Variants in TESPA1 observed in about 807,000 individuals in gnomAD.
TESPA1 encodes the protein thymocyte expressed, positive selection associated 1.
In TESPA1, 33 loss-of-function variants were observed where a neutral mutation model predicts 57.9. The observed-to-expected ratio is 0.57, with a 90% confidence interval of 0.43 to 0.76. The LOEUF (loss-of-function observed/expected upper bound fraction) is 0.76, where lower values mean the gene tolerates loss of function less well. Among genes scored for constraint, TESPA1 ranks in the 30% least tolerant of loss-of-function variants. The pLI, the probability that TESPA1 is intolerant of heterozygous loss-of-function variation, is 0.00. For missense variants in TESPA1, 618 were observed against 632.9 expected (o/e 0.98, Z 0.25); for synonymous variants, 227 against 228.9 (o/e 0.99, Z 0.07).
intron 1 of TESPA1, 33 bp downstream of exon 1, chr12:54,984,552 C>G (rs930331098): frequency 1.3e-5 from 2 of 152,202 alleles, no homozygotes; most frequent in Non-Finnish European, 2.9e-5. Context: ...TAAATCAGTA[C>G]AGCCTTGAAA....
chr12:54,969,918 A>G (rs1036861146), intron 3 of TESPA1, among the ~76,000 whole-genome samples: 2 of 151,952 alleles, frequency 1.3e-5, no homozygotes, highest in African/African-American at 4.8e-5. Flanking sequence ...TGAGCTATTT[A>G]TGTATTTATT....
chr12:54,969,662 A>G (rs1043286059), intron 3 of TESPA1, among the ~76,000 whole-genome samples: 2 of 152,232 alleles, frequency 1.3e-5, no homozygotes, highest in Non-Finnish European at 2.9e-5. Flanking sequence ...CTGCATGCGA[A>G]TACTTGGATA....
At chr12:54,967,045 G>T (rs1951484590) in intron 5 of TESPA1, 138 bp downstream of exon 5, 3 of 887,970 alleles carry the variant, frequency 3.4e-6, no homozygotes, top group Non-Finnish European at 3.5e-6. Context: ...AGATAATAAT[G>T]AGACTGCCCT....
chr12:54,960,626 C>T (rs940813878), intron 10 of TESPA1, among the ~76,000 whole-genome samples: 5 of 152,180 alleles, frequency 3.3e-5, no homozygotes, highest in African/African-American at 1.2e-4. Flanking sequence ...CTTCAATATG[C>T]AATCAATTAT....
Position 54,963,084 on chromosome 12 carries a change from G to C in TESPA1, c.814C>G (p.Arg272Gly), listed in dbSNP as rs759038034. ...CTGGGTGACTGGGGTTCAGGCTCTC[G>C]GGACAGAATCCTGATGGATGGCACA... Reference protein sequence around the residue: ...TDVPSIRILSREPEPQSPRDR... With the variant: ...TDVPSIRILSGEPEPQSPRDR... The change falls in exon 9 of 11, where the codon CGA becomes GGA. Residue 272 changes from arginine to glycine, a missense_variant. Physicochemically the swap from Arg to Gly is moderately radical, Grantham distance 125. Around this residue, in one of 3 missense-constraint regions of TESPA1, gnomAD observed 409 missense variants for 420.1 expected, o/e 0.97. Coordinates refer to ENST00000449076, the MANE Select transcript of TESPA1 (RefSeq NM_001136030.3). The C allele has an allele frequency of 1.2e-6, 2 of 1,613,930 alleles. No homozygotes were observed.
intron 1 of TESPA1, among the ~76,000 whole-genome samples, chr12:54,978,505 C>T (rs957192299): frequency 6.6e-5 from 10 of 152,074 alleles, no homozygotes; most frequent in African/African-American, 1.4e-4. Flanking sequence ...TTAAAAAATG[C>T]GAAATGCTTC....
intron 1 of TESPA1, among the ~76,000 whole-genome samples, chr12:54,976,690 A>C (rs1278836280): frequency 1.3e-5 from 2 of 152,156 alleles, no homozygotes; most frequent in African/African-American, 4.8e-5. Context: ...ACATTGATGC[A>C]TCTAATACTA....
Position 54,974,559 on chromosome 12 carries a change from C to G in TESPA1, c.4G>C (p.Glu2Gln), listed in dbSNP as rs1390408675. The G allele has an allele frequency of 6.3e-7, 1 of 1,578,968 alleles. No individual in the cohort carries two copies. The highest frequency in any genetic ancestry group is 8.6e-7 in the Non-Finnish European group (1 of 1,162,098). Residue 2 changes from glutamate (E) to glutamine (Q), a missense_variant, in exon 2 of 11, where the codon GAG (glutamate) becomes CAG (glutamine). By Grantham distance (29) the Glu-to-Gln change is conservative (BLOSUM62 2). Coordinates refer to ENST00000449076, the MANE Select transcript of TESPA1 (RefSeq NM_001136030.3). M[E>Q]ASVLSPTSWE... ...GATGTGGGGCTCAGCACAGAGGCCT[C>G]CATGGCCCTGGCTCAGACTTCAGGG...
chr12:54,971,494 A>C (rs992486779), intron 3 of TESPA1, among the ~76,000 whole-genome samples: 1 of 151,908 alleles, frequency 6.6e-6, no homozygotes, highest in Non-Finnish European at 1.5e-5. Flanking sequence ...TAGAAAACAG[A>C]GGAAATTGGA....
intron 3 of TESPA1, 32 bp from the exon 4 acceptor site, chr12:54,967,924 C>A: frequency 1.2e-6 from 2 of 1,612,898 alleles, no homozygotes; most frequent in South Asian, 2.2e-5. Flanking sequence ...AGGTTGAAGT[C>A]ACTTACTACA....
chr12:54,975,635 G>A (rs976016860), intron 1 of TESPA1, among the ~76,000 whole-genome samples: 9 of 151,624 alleles, frequency 5.9e-5, no homozygotes, highest in Non-Finnish European at 7.4e-5. Flanking sequence ...CTATTTCCTC[G>A]AGCTGCCATA....
Position 54,963,078 on chromosome 12 carries a change from G to A in TESPA1, c.820C>T (p.Pro274Ser), listed in dbSNP as rs771045829. 1.2e-6 allele frequency: 2 copies of A among 1,613,858 alleles called. No individual in the cohort carries two copies. The highest frequency in any genetic ancestry group is 2.2e-5 in the East Asian group (1 of 44,894). ...VPSIRILSRE[P>S]EPQSPRDRLR... ...CGGTCTCTGGGTGACTGGGGTTCAGGCTCTCGGGACAGAATCCTGATGGAT... is the reference window on the plus strand; with the variant it reads ...CGGTCTCTGGGTGACTGGGGTTCAGACTCTCGGGACAGAATCCTGATGGAT... The change falls in exon 9 of 11, where the codon CCT (proline) becomes TCT (serine). Residue 274 changes from proline to serine, a missense_variant. Around this residue, in one of 3 missense-constraint regions of TESPA1, gnomAD observed 409 missense variants for 420.1 expected, o/e 0.97. Coordinates refer to ENST00000449076, the MANE Select transcript of TESPA1 (RefSeq NM_001136030.3).
chr12:54,981,820 C>G (rs945119750), intron 1 of TESPA1: 2 of 152,312 alleles, frequency 1.3e-5, no homozygotes, highest in Non-Finnish European at 2.9e-5. Flanking sequence ...TATCATACAG[C>G]CTTCCTCCTG....
At chr12:54,973,697 T>C in intron 2 of TESPA1, 178 bp from the exon 3 acceptor site, 1 of 1,371,626 alleles carries the variant, frequency 7.3e-7, no homozygotes, top group South Asian at 1.9e-5. Flanking sequence ...ATAGTAGATA[T>C]TTCTTCTCTC....
In TESPA1 at chr12:54,950,240, G is replaced by A. The variant is rs1801876; in HGVS notation, c.*152C>T. 0.17 allele frequency: 78,580 copies of A among 456,228 alleles called. 13,129 individuals are homozygous for A. Among genetic ancestry groups the A allele is most frequent in the East Asian group, 0.66 (9,406 of 14,350 alleles). The allele number at this position is 456,228 out of a possible 1,614,324, so 28.3% of individuals were successfully genotyped here. ...GGTCTTCCTCCCCATGTACCATGCT[G>A]CCTTTCTCCTGCAGAGTTTGGGGGT... On this transcript the variant is annotated 3_prime_UTR_variant, in exon 11 of 11. Coordinates refer to ENST00000449076, the MANE Select transcript of TESPA1 (RefSeq NM_001136030.3).
chr12:54,973,701 T>TTC, intron 2 of TESPA1, 182 bp from the exon 3 acceptor site: 7 of 1,365,806 alleles, frequency 5.1e-6, no homozygotes, highest in Non-Finnish European at 6.6e-6. Context: ...TAGATATTTC[T>TTC]TCTCTCTCTC....
intron 7 of TESPA1, among the ~76,000 whole-genome samples, chr12:54,964,915 T>C (rs1951329420): frequency 2.0e-5 from 3 of 152,202 alleles, no homozygotes; most frequent in African/African-American, 4.8e-5. Context: ...CTTCAGACAT[T>C]CTGATTAAAT....
chr12:54,957,962 A>G (rs1310165581), intron 10 of TESPA1, among the ~76,000 whole-genome samples: 1 of 152,256 alleles, frequency 6.6e-6, no homozygotes, highest in Non-Finnish European at 1.5e-5. Flanking sequence ...AAAATACAGC[A>G]TTTTAAACCA....
chr12:54,973,567 ACCT>A, intron 2 of TESPA1, 48 bp from the exon 3 acceptor site: 1 of 1,613,336 alleles, frequency 6.2e-7, no homozygotes, highest in Non-Finnish European at 8.5e-7. Context: ...ACGAAATCAG[ACCT>A]CCTCCCTGCA....
Sources: allele counts gnomAD v4.1 joint callset (sites outside exome capture counted in the v4.1 genomes callset), GRCh38; gene constraint gnomAD v4.1.1; regional missense constraint gnomAD v4.1.1; transcripts MANE v1.5; gene names NCBI Gene and HGNC (gene_info 2026-07-23, HGNC 2026-07-21).